PLCB1: variants seen among roughly 807,000 people sequenced by gnomAD.
The protein encoded by PLCB1 is 1-phosphatidylinositol 4,5-bisphosphate phosphodiesterase beta-1.
In PLCB1, 46 loss-of-function variants were observed where a neutral mutation model predicts 161.8. The ratio of observed to expected loss-of-function variants is 0.28; its 90% CI spans 0.22 to 0.36. The LOEUF (loss-of-function observed/expected upper bound fraction) is 0.36, where lower values mean the gene tolerates loss of function less well. PLCB1 is among the 10% of genes least tolerant of loss of function. PLCB1 has a pLI of 1.00. For synonymous variants in PLCB1, 517 were observed against 503.7 expected (o/e 1.03, Z -0.35); for missense variants, 1,016 against 1,472.5 (o/e 0.69, Z 5.07).
chr20:8,841,186 T>TA (rs1175329915), intron 31 of PLCB1, among the ~76,000 whole-genome samples: 4 of 151,868 alleles, frequency 2.6e-5, no homozygotes, highest in African/African-American at 4.8e-5. Context: ...ACAATAACTT[T>TA]AAAAAAAATA....
chr20:8,269,414 A>G (rs1982162311), intron 2 of PLCB1, among the ~76,000 whole-genome samples: 1 of 152,116 alleles, frequency 6.6e-6, no homozygotes, highest in African/African-American at 2.4e-5. Context: ...AATAATTACT[A>G]TTGCAAGGGA....
chr20:8,198,363 A>C (rs960872648), intron 2 of PLCB1, among the ~76,000 whole-genome samples: 4 of 152,148 alleles, frequency 2.6e-5, no homozygotes, highest in African/African-American at 7.2e-5. Flanking sequence ...TTCTCCTTGA[A>C]GAAGTCCTTC....
intron 31 of PLCB1, among the ~76,000 whole-genome samples, chr20:8,859,302 A>C (rs2146311253): frequency 6.6e-6 from 1 of 152,344 alleles, no homozygotes; most frequent in Admixed American, 6.5e-5. Flanking sequence ...CAGTCTAAAC[A>C]CTTTCAGCTT....
chr20:8,828,526 G>A (rs1398770611), intron 31 of PLCB1, among the ~76,000 whole-genome samples: 1 of 152,160 alleles, frequency 6.6e-6, no homozygotes, highest in Non-Finnish European at 1.5e-5. Context: ...ATCTCTTGAG[G>A]ATGAGCTCAC....
chr20:8,574,654 G>A (rs1249533882), intron 3 of PLCB1, among the ~76,000 whole-genome samples: 1 of 150,498 alleles, frequency 6.6e-6, no homozygotes, highest in Non-Finnish European at 1.5e-5. Context: ...CATTACTACT[G>A]TGGGCAACCA....
chr20:8,417,269 G>A (rs908646058), intron 3 of PLCB1, among the ~76,000 whole-genome samples: 11 of 149,734 alleles, frequency 7.3e-5, no homozygotes, highest in African/African-American at 2.5e-4. Context: ...TGTATTTTTA[G>A]TGGAGACAGG....
intron 3 of PLCB1, among the ~76,000 whole-genome samples, chr20:8,532,319 C>T (rs1328147222): frequency 1.3e-5 from 2 of 152,118 alleles, no homozygotes; most frequent in Admixed American, 6.5e-5. Context: ...TCACCTTGCC[C>T]GTTAAAAGCC....
chr20:8,185,156 C>T (rs766263549), intron 2 of PLCB1, among the ~76,000 whole-genome samples: 1 of 152,122 alleles, frequency 6.6e-6, no homozygotes, highest in Non-Finnish European at 1.5e-5. Flanking sequence ...GGGAAACAGG[C>T]TTTATTATGC....
At chr20:8,475,539 G>A (rs1024525842) in intron 3 of PLCB1, among the ~76,000 whole-genome samples, 5 of 152,162 alleles carry the variant, frequency 3.3e-5, no homozygotes, top group East Asian at 1.9e-4. Context: ...GCCTGTGTTC[G>A]GAGTCACACA....
chr20:8,297,104 GT>G (rs1267296771), intron 2 of PLCB1, among the ~76,000 whole-genome samples: 1 of 151,754 alleles, frequency 6.6e-6, no homozygotes, highest in Non-Finnish European at 1.5e-5. Context: ...ATAGATGTAT[GT>G]ATATGTACAT....
intron 31 of PLCB1, among the ~76,000 whole-genome samples, chr20:8,815,769 A>G (rs947693894): frequency 6.6e-6 from 1 of 152,244 alleles, no homozygotes; most frequent in Admixed American, 6.5e-5. Flanking sequence ...GCTGATCATA[A>G]AACAATTGAA....
intron 3 of PLCB1, among the ~76,000 whole-genome samples, chr20:8,481,506 G>A (rs897684507): frequency 6.6e-6 from 1 of 152,140 alleles, no homozygotes; most frequent in Admixed American, 6.5e-5. Context: ...ACTGGTTGGT[G>A]GTTGCATGTA....
intron 2 of PLCB1, among the ~76,000 whole-genome samples, chr20:8,169,203 C>G (rs551444311): frequency 6.6e-6 from 1 of 152,128 alleles, no homozygotes; most frequent in East Asian, 1.9e-4. Context: ...ACTGCCATCT[C>G]TTTACTTTGG....
In PLCB1 at chr20:8,617,572, T is replaced by C. The variant is rs910688225; in HGVS notation, c.247-10722T>C. On this transcript the variant is annotated intron_variant, in intron 3 of 31. Transcript: ENST00000338037. ...ATTTGGAGGCTTTTGTTGTTGTTGT[T>C]TTGGGTTTTTTGGTTTTGTTATTTA... Among the ~76,000 whole-genome samples the C allele has an allele frequency of 1.6e-4, 24 of 152,162 alleles. 1 individual carries two copies. The highest frequency in any genetic ancestry group is 9.8e-4 in the Admixed American group (15 of 15,270).
intron 9 of PLCB1, among the ~76,000 whole-genome samples, chr20:8,679,098 G>A (rs1990155736): frequency 6.6e-6 from 1 of 152,154 alleles, no homozygotes; most frequent in African/African-American, 2.4e-5. Flanking sequence ...ACATAGAGAT[G>A]CACCCTCAGT....
At chr20:8,283,466 C>CT (rs951753317) in intron 2 of PLCB1, among the ~76,000 whole-genome samples, 57 of 151,154 alleles carry the variant, frequency 3.8e-4, no homozygotes, top group East Asian at 3.1e-3. Context: ...TATGCTTTTT[C>CT]TTTTTTTAAT....
intron 11 of PLCB1, among the ~76,000 whole-genome samples, chr20:8,704,270 C>G (rs1264723141): frequency 6.6e-6 from 1 of 151,962 alleles, no homozygotes; most frequent in Non-Finnish European, 1.5e-5. Context: ...ACAAGAATCG[C>G]CCAAACCAAG....
chr20:8,496,546 C>T (rs1010617305), intron 3 of PLCB1, among the ~76,000 whole-genome samples: 5 of 152,126 alleles, frequency 3.3e-5, no homozygotes, highest in African/African-American at 1.2e-4. Context: ...GTGATTTTCT[C>T]AGTCCTCTCT....
At chr20:8,700,875 A>T (rs1401613563) in intron 11 of PLCB1, among the ~76,000 whole-genome samples, 2 of 152,204 alleles carry the variant, frequency 1.3e-5, no homozygotes, top group East Asian at 1.9e-4. Context: ...TGGGTAGGTG[A>T]CAGTGGGTGA....
Sources: gnomAD v4.1 joint callset for allele counts (sites outside exome capture counted in the v4.1 genomes callset) on GRCh38, gnomAD v4.1.1 for gene constraint, MANE v1.5 for transcripts, NCBI Gene and HGNC (gene_info 2026-07-23, HGNC 2026-07-21) for gene names.